LRBA: variants seen among roughly 807,000 people sequenced by gnomAD.
The protein encoded by LRBA is LPS responsive beige-like anchor protein.
A neutral mutation model predicts 330.0 loss-of-function variants in LRBA; 176 were observed. The observed-to-expected ratio is 0.53, with a 90% CI of 0.47 to 0.60. LRBA has a LOEUF of 0.60. Ranked by LOEUF, LRBA falls within the 20% of genes least tolerant of loss-of-function variation. The probability of loss-of-function intolerance (pLI) is 0.00; values close to 1 mark genes in which losing one functional copy is unlikely to be tolerated. For synonymous variants in LRBA, 1,230 were observed against 1,193.0 expected (o/e 1.03, Z -0.64); for missense variants, 3,259 against 3,444.8 (o/e 0.95, Z 1.35).
intron 2 of LRBA, chr4:151,013,598 T>C (rs1009556908): frequency 6.6e-6 from 1 of 152,228 alleles, no homozygotes; most frequent in Non-Finnish European, 1.5e-5. Context: ...CAGTGATGCA[T>C]GCCTATAGCC....
At chr4:150,455,802 T>TA (rs1753985187) in intron 44 of LRBA, among the ~76,000 whole-genome samples, 1 of 152,064 alleles carries the variant, frequency 6.6e-6, no homozygotes. Context: ...TCCCTACCTA[T>TA]ACTCCATTCC....
At chr4:150,938,076 TAAA>T (rs58730047) in intron 2 of LRBA, among the ~76,000 whole-genome samples, 3 of 132,244 alleles carry the variant, frequency 2.3e-5, no homozygotes, top group African/African-American at 2.8e-5. Flanking sequence ...TGGTATAGTT[TAAA>T]AAAAAAAAAA....
At chr4:150,543,675 T>G (rs1042470810) in intron 40 of LRBA, among the ~76,000 whole-genome samples, 1 of 152,196 alleles carries the variant, frequency 6.6e-6, no homozygotes, top group African/African-American at 2.4e-5. Flanking sequence ...TCATTATATT[T>G]ATGATTGCTT....
At chr4:150,958,769 C>G (rs1295630466) in intron 2 of LRBA, among the ~76,000 whole-genome samples, 3 of 148,990 alleles carry the variant, frequency 2.0e-5, no homozygotes, top group Admixed American at 2.0e-4. Flanking sequence ...TGCCGCAAGT[C>G]TCTTTGCATG....
chr4:150,606,641 T>C (rs944124397), intron 37 of LRBA, among the ~76,000 whole-genome samples: 16 of 152,230 alleles, frequency 1.1e-4, no homozygotes, highest in Non-Finnish European at 2.2e-4. Flanking sequence ...GATTAAATAC[T>C]GCTATTCTCA....
At chr4:150,452,844 T>A (rs1358774714) in intron 44 of LRBA, among the ~76,000 whole-genome samples, 1 of 152,178 alleles carries the variant, frequency 6.6e-6, no homozygotes, top group Non-Finnish European at 1.5e-5. Flanking sequence ...AGGCTGCTAG[T>A]AATAATAATT....
intron 37 of LRBA, among the ~76,000 whole-genome samples, chr4:150,639,043 G>A (rs560386558): frequency 1.8e-4 from 23 of 124,986 alleles, no homozygotes; most frequent in South Asian, 1.4e-3. Context: ...ATGAGTTCAT[G>A]TCCTTTGTAG....
At chr4:150,318,336 G>A (rs1731998859) in intron 50 of LRBA, among the ~76,000 whole-genome samples, 1 of 152,120 alleles carries the variant, frequency 6.6e-6, no homozygotes. Flanking sequence ...GGAGGTTAAA[G>A]ATTATTTATT....
At chr4:150,385,534 T>C (rs1742933928) in intron 47 of LRBA, among the ~76,000 whole-genome samples, 4 of 150,320 alleles carry the variant, frequency 2.7e-5, no homozygotes, top group Admixed American at 2.0e-4. Context: ...AAGAGAAAAA[T>C]AAAAGGAGAG....
intron 26 of LRBA, among the ~76,000 whole-genome samples, chr4:150,847,568 T>C (rs924311627): frequency 2.0e-5 from 3 of 152,180 alleles, no homozygotes; most frequent in Non-Finnish European, 2.9e-5. Context: ...CCATGTTATG[T>C]TTTCATAGGT....
chr4:150,419,309 TG>T (rs771483850), intron 46 of LRBA, among the ~76,000 whole-genome samples: 4 of 152,146 alleles, frequency 2.6e-5, no homozygotes, highest in Non-Finnish European at 5.9e-5. Flanking sequence ...AACAGTAACT[TG>T]GTATAATCAT....
chr4:151,010,699 T>C (rs527601612), intron 2 of LRBA, among the ~76,000 whole-genome samples: 1 of 151,856 alleles, frequency 6.6e-6, no homozygotes, highest in South Asian at 2.1e-4. Flanking sequence ...CTGGCCAACA[T>C]GGTGAAACCT....
At chr4:150,828,096 C>A in intron 30 of LRBA, 84 bp downstream of exon 30, 1 of 1,267,568 alleles carries the variant, frequency 7.9e-7, no homozygotes. Flanking sequence ...TTTTCGGCTA[C>A]ACAGGGCGTC....
chr4:150,602,714 C>T (rs746917054), intron 37 of LRBA, among the ~76,000 whole-genome samples: 1 of 152,170 alleles, frequency 6.6e-6, no homozygotes, highest in African/African-American at 2.4e-5. Flanking sequence ...CCTCAAAAGC[C>T]TCTTCCAGGC....
chr4:150,918,463 T>C (rs994264154), intron 5 of LRBA, among the ~76,000 whole-genome samples: 4 of 152,098 alleles, frequency 2.6e-5, no homozygotes, highest in African/African-American at 7.2e-5. Flanking sequence ...CAAAGACAGA[T>C]ACTGGCCGGG....
intron 2 of LRBA, among the ~76,000 whole-genome samples, chr4:150,957,244 T>TCA (rs1271017128): frequency 2.0e-5 from 3 of 148,362 alleles, no homozygotes; most frequent in Non-Finnish European, 1.5e-5. Context: ...TTTAACTGAC[T>TCA]CACAGTTCCA....
intron 13 of LRBA, among the ~76,000 whole-genome samples, chr4:150,901,950 C>A (rs1730774260): frequency 6.6e-6 from 1 of 152,060 alleles, no homozygotes; most frequent in African/African-American, 2.4e-5. Flanking sequence ...TAACTATATG[C>A]ATAACACTGT....
chr4:150,929,457 T>A (rs1212774160), intron 2 of LRBA, among the ~76,000 whole-genome samples: 1 of 152,174 alleles, frequency 6.6e-6, no homozygotes, highest in East Asian at 1.9e-4. Context: ...ACTTATGAGC[T>A]CACGGTAAAA....
chr4:150,409,322 C>T (rs746240454), intron 47 of LRBA, among the ~76,000 whole-genome samples: 1 of 152,084 alleles, frequency 6.6e-6, no homozygotes, highest in Non-Finnish European at 1.5e-5. Flanking sequence ...CAATAAATTT[C>T]TGTTGTTTCT....
Sources: gnomAD v4.1 joint callset for allele counts (sites outside exome capture counted in the v4.1 genomes callset) on GRCh38, gnomAD v4.1.1 for gene constraint, MANE v1.5 for transcripts, NCBI Gene and HGNC (gene_info 2026-07-23, HGNC 2026-07-21) for gene names.